PIGU: variants seen among roughly 807,000 people sequenced by gnomAD.
PIGU encodes GPI-anchor transamidase component PIGU.
A neutral mutation model predicts 49.9 loss-of-function variants in PIGU; 24 were observed. The observed-to-expected ratio is 0.48, with a 90% CI of 0.35 to 0.68. The LOEUF (loss-of-function observed/expected upper bound fraction) is 0.68, where lower values mean the gene tolerates loss of function less well. Among genes scored for constraint, PIGU ranks in the 30% least tolerant of loss-of-function variants. The pLI is 0.01. For missense variants in PIGU, 490 were observed against 532.6 expected (o/e 0.92, Z 0.79); for synonymous variants, 220 against 205.7 (o/e 1.07, Z -0.59).
chr20:34,585,009 A>AT (rs1983641207), intron 9 of PIGU, among the ~76,000 whole-genome samples: 2 of 151,860 alleles, frequency 1.3e-5, no homozygotes, highest in Non-Finnish European at 1.5e-5. Context: ...TAATTTTTAA[A>AT]TTTTTTGTAG....
chr20:34,567,459 A>G (rs1466165217), intron 11 of PIGU, among the ~76,000 whole-genome samples: 1 of 152,136 alleles, frequency 6.6e-6, no homozygotes, highest in African/African-American at 2.4e-5. Context: ...CTTTTCCCAC[A>G]TTCAGTCCTC....
chr20:34,674,304 G>A (rs1311663990), intron 1 of PIGU, among the ~76,000 whole-genome samples: 2 of 148,576 alleles, frequency 1.3e-5, no homozygotes, highest in East Asian at 2.0e-4. Context: ...GCAGTGAGCC[G>A]AGATCGCGCC....
At chr20:34,650,711 T>TTTTTTTTC (rs1986515253) in intron 2 of PIGU, among the ~76,000 whole-genome samples, 1 of 92,178 alleles carries the variant, frequency 1.1e-5, no homozygotes, top group Non-Finnish European at 2.2e-5. Context: ...TTTTTTTTTT[T>TTTTTTTTC]TTTTTTTTTT....
At chr20:34,635,245 G>A (rs1217888121) in intron 5 of PIGU, among the ~76,000 whole-genome samples, 1 of 152,198 alleles carries the variant, frequency 6.6e-6, no homozygotes, top group African/African-American at 2.4e-5. Context: ...CCTCAGTCAG[G>A]CTCCTAAGCC....
chr20:34,604,576 C>T (rs1984543825), intron 7 of PIGU, among the ~76,000 whole-genome samples: 1 of 152,156 alleles, frequency 6.6e-6, no homozygotes, highest in South Asian at 2.1e-4. Context: ...AAGCTAACAG[C>T]ACTGCTACCT....
At chr20:34,676,909 G>T in intron 1 of PIGU, 47 bp downstream of exon 1, 1 of 1,553,032 alleles carries the variant, frequency 6.4e-7, no homozygotes, top group South Asian at 1.2e-5. Flanking sequence ...CAGAGGCCGC[G>T]GGAGGGCAGG....
At chr20:34,578,757 A>G (rs1263066594) in intron 10 of PIGU, among the ~76,000 whole-genome samples, 2 of 152,224 alleles carry the variant, frequency 1.3e-5, no homozygotes, top group Non-Finnish European at 2.9e-5. Flanking sequence ...AGAAGATTAA[A>G]GCTATATATG....
chr20:34,666,915 G>T (rs1287406150), intron 1 of PIGU, among the ~76,000 whole-genome samples: 1 of 151,912 alleles, frequency 6.6e-6, no homozygotes, highest in Admixed American at 6.6e-5. Flanking sequence ...AGCCAGGATG[G>T]TCTCGATCTC....
chr20:34,631,098 A>G (rs555093008), intron 6 of PIGU, among the ~76,000 whole-genome samples: 1 of 152,334 alleles, frequency 6.6e-6, no homozygotes, highest in East Asian at 1.9e-4. Context: ...ATATATGTAT[A>G]ATCAGAGATG....
At chr20:34,634,741 A>G (rs774151344) in intron 5 of PIGU, 26 bp from the exon 6 acceptor site, 14 of 1,606,720 alleles carry the variant, frequency 8.7e-6, no homozygotes, top group South Asian at 3.3e-5. Flanking sequence ...CATATTTGGC[A>G]TTAGTAATCC....
In PIGU at chr20:34,654,049, G is replaced by C. The variant is rs113132823; in HGVS notation, c.195+3131C>G. On this transcript the variant is annotated intron_variant, in intron 2 of 11. Coordinates refer to ENST00000217446, the MANE Select transcript of PIGU (RefSeq NM_080476.5). ...ATTTTTTGTATTTTTAGTAGAGACG[G>C]GGTTTCGCCATATTGGCCAGGCTGG... is the stretch of plus-strand genomic sequence containing the variant. Among the ~76,000 whole-genome samples the C allele has an allele frequency of 8.8e-4, 111 of 126,434 alleles. 7 individuals are homozygous for C. The highest frequency in any genetic ancestry group is 1.6e-3 in the Non-Finnish European group (94 of 58,384). The allele number at this position is 126,434 out of a possible 152,430, so 82.9% of individuals were successfully genotyped here.
chr20:34,664,199 G>A (rs769137550), intron 1 of PIGU, among the ~76,000 whole-genome samples: 16 of 152,058 alleles, frequency 1.1e-4, no homozygotes, highest in Non-Finnish European at 1.8e-4. Context: ...TGCCCGGGCC[G>A]GAGTGTAATG....
rs767734807 is a variant in PIGU, at chr20:34,616,157, T to C, written c.530-18A>G. On this transcript the variant is annotated intron_variant, in intron 6 of 11. Transcript: ENST00000217446. ...AGCACTGCCTGTAAAAAGAAAGAAA[T>C]GTATGGAATAATCCAGCCTCATCAA... The C allele has an allele frequency of 2.5e-6, 4 of 1,611,270 alleles. No individual in the cohort carries two copies. In the East Asian group the frequency reaches 8.9e-5, roughly 36 times the overall value.
At chr20:34,583,112 T>C (rs928330132) in intron 9 of PIGU, among the ~76,000 whole-genome samples, 4 of 152,216 alleles carry the variant, frequency 2.6e-5, no homozygotes, top group African/African-American at 7.2e-5. Context: ...CAGACAAACA[T>C]GTCCACACCC....
chr20:34,631,866 G>C (rs564540956), intron 6 of PIGU, among the ~76,000 whole-genome samples: 1 of 137,180 alleles, frequency 7.3e-6, no homozygotes, highest in Non-Finnish European at 1.5e-5. Flanking sequence ...TTGAGGCAGG[G>C]TCTTGCTCTG....
chr20:34,633,305 A>T (rs1394626791), intron 6 of PIGU, among the ~76,000 whole-genome samples: 1 of 152,068 alleles, frequency 6.6e-6, no homozygotes, highest in Non-Finnish European at 1.5e-5. Flanking sequence ...CTCTATAAAA[A>T]ATACAAAAAT....
chr20:34,604,781 A>C (rs1337828844), intron 7 of PIGU, among the ~76,000 whole-genome samples: 3 of 150,668 alleles, frequency 2.0e-5, no homozygotes, highest in African/African-American at 5.0e-5. Context: ...CAGAAAGGAT[A>C]AAAAAAAATC....
intron 6 of PIGU, among the ~76,000 whole-genome samples, chr20:34,618,521 A>T: frequency 6.6e-6 from 1 of 152,158 alleles, no homozygotes; most frequent in East Asian, 1.9e-4. Context: ...GTGGTTCACA[A>T]ATGTAATCCC....
intron 4 of PIGU, among the ~76,000 whole-genome samples, chr20:34,638,881 C>T (rs1986056406): frequency 6.6e-6 from 1 of 152,100 alleles, no homozygotes; most frequent in African/African-American, 2.4e-5. Flanking sequence ...GATGAGAAAG[C>T]CTCTCAAACC....
Sources: gnomAD v4.1 joint callset for allele counts (sites outside exome capture counted in the v4.1 genomes callset) on GRCh38, gnomAD v4.1.1 for gene constraint, MANE v1.5 for transcripts, NCBI Gene and HGNC (gene_info 2026-07-23, HGNC 2026-07-21) for gene names.